Variants in PDGFD observed in about 807,000 individuals in gnomAD.
The protein encoded by PDGFD is platelet derived growth factor D.
Under a neutral mutation model 44.7 loss-of-function variants are expected in PDGFD, and 30 were observed. That is an observed-to-expected ratio of 0.67 (90% confidence interval 0.50 to 0.91). PDGFD has a LOEUF of 0.91. Ranked by LOEUF, PDGFD falls within the 40% of genes least tolerant of loss-of-function variation. The pLI, the probability that PDGFD is intolerant of heterozygous loss-of-function variation, is 0.00. For synonymous variants in PDGFD, 173 were observed against 168.4 expected, an observed-to-expected ratio of 1.03 and a Z score of -0.21; for missense variants, 445 against 457.8, an observed-to-expected ratio of 0.97 and a Z score of 0.25.
At chr11:104,153,374 G>T (rs528086769) in intron 1 of PDGFD, among the ~76,000 whole-genome samples, 1 of 152,204 alleles carries the variant, frequency 6.6e-6, no homozygotes, top group Non-Finnish European at 1.5e-5. Flanking sequence ...AGGATGTTCA[G>T]CTGTATTAAA....
chr11:104,147,549 T>A (rs1363903542), intron 1 of PDGFD, among the ~76,000 whole-genome samples: 2 of 152,154 alleles, frequency 1.3e-5, no homozygotes, highest in African/African-American at 4.8e-5. Context: ...TTTTTATTAA[T>A]CACATTTAAA....
At chr11:103,987,453 G>A (rs1422253596) in intron 3 of PDGFD, among the ~76,000 whole-genome samples, 2 of 152,048 alleles carry the variant, frequency 1.3e-5, no homozygotes, top group Non-Finnish European at 2.9e-5. Context: ...CCAGACTTGT[G>A]ATCTTCCATG....
At chr11:103,979,960 G>A (rs530061785) in intron 3 of PDGFD, among the ~76,000 whole-genome samples, 1 of 152,040 alleles carries the variant, frequency 6.6e-6, no homozygotes, top group African/African-American at 2.4e-5. Flanking sequence ...TTAGAGCTCT[G>A]CCTTTATAAC....
intron 6 of PDGFD, among the ~76,000 whole-genome samples, chr11:103,914,836 A>G (rs544367656): frequency 1.2e-4 from 19 of 152,240 alleles, no homozygotes; most frequent in Non-Finnish European, 2.8e-4. Context: ...AACAGAACCA[A>G]TGACAAAAAC....
chr11:104,052,443 C>T (rs1860555261), intron 1 of PDGFD, among the ~76,000 whole-genome samples: 1 of 152,042 alleles, frequency 6.6e-6, no homozygotes, highest in South Asian at 2.1e-4. Context: ...CTTTTCTTTA[C>T]TTTTAAGTGA....
At chr11:104,069,586 C>T (rs1395507676) in intron 1 of PDGFD, among the ~76,000 whole-genome samples, 2 of 152,320 alleles carry the variant, frequency 1.3e-5, no homozygotes, top group Non-Finnish European at 2.9e-5. Context: ...GCTGGCCGGG[C>T]ACAGTGGTTC....
chr11:104,058,282 C>A (rs1272579081), intron 1 of PDGFD, among the ~76,000 whole-genome samples: 1 of 152,090 alleles, frequency 6.6e-6, no homozygotes, highest in African/African-American at 2.4e-5. Context: ...ATTTAAAACA[C>A]GTTATACATT....
At chr11:104,140,668 A>G (rs985542438) in intron 1 of PDGFD, among the ~76,000 whole-genome samples, 4 of 152,054 alleles carry the variant, frequency 2.6e-5, no homozygotes, top group African/African-American at 9.7e-5. Flanking sequence ...CCAAAGACCA[A>G]CTAGACATTT....
In PDGFD at chr11:103,908,593, T is replaced by C. The variant is rs1369150100; in HGVS notation, c.*1101A>G. Reference sequence around the variant, plus strand: ...ATAATCTATGATGGCCTGCCAAATATAAAATGCCATTATAAATCCATGTCT... The same window carrying C: ...ATAATCTATGATGGCCTGCCAAATACAAAATGCCATTATAAATCCATGTCT... On this transcript the variant is annotated 3_prime_UTR_variant, in exon 7 of 7. Coordinates refer to ENST00000393158, the MANE Select transcript of PDGFD (RefSeq NM_025208.5). 1 of 152,186 alleles carries C rather than the reference T, an allele frequency of 6.6e-6. No homozygotes were observed. The highest frequency in any genetic ancestry group is 1.5e-5 in the Non-Finnish European group (1 of 68,020). 9.4% of individuals were successfully genotyped at this position (152,186 alleles called of 1,614,324 possible).
chr11:103,967,459 C>T (rs1411559321), intron 3 of PDGFD, among the ~76,000 whole-genome samples: 1 of 152,312 alleles, frequency 6.6e-6, no homozygotes, highest in East Asian at 1.9e-4. Context: ...TGTGACTCTG[C>T]TCTCCATATC....
chr11:104,125,383 C>T (rs866211407), intron 1 of PDGFD, among the ~76,000 whole-genome samples: 9 of 151,926 alleles, frequency 5.9e-5, no homozygotes, highest in African/African-American at 1.9e-4. Flanking sequence ...TAAAGGGCTT[C>T]AAATAATTAA....
chr11:103,939,665 G>A (rs1175754600), intron 5 of PDGFD, among the ~76,000 whole-genome samples: 1 of 152,022 alleles, frequency 6.6e-6, no homozygotes, highest in Non-Finnish European at 1.5e-5. Flanking sequence ...CTTACAGAAA[G>A]AACACCCATA....
Position 104,037,619 on chromosome 11 carries a change from C to T in PDGFD, c.125-37364G>A. ...TTTGTTGACTCGGGCGCCCAGATGA[C>T]CATTATGAGCCAGGCTTGTGCCGAG... is the stretch of plus-strand genomic sequence containing the variant. On this transcript the variant is annotated intron_variant, in intron 1 of 6. Coordinates refer to ENST00000393158, the MANE Select transcript of PDGFD (RefSeq NM_025208.5). 6.2e-7 allele frequency: 1 copy of T among 1,614,018 alleles called. No homozygotes were observed. The highest frequency in any genetic ancestry group is 8.5e-7 in the Non-Finnish European group (1 of 1,180,026).
intron 6 of PDGFD, among the ~76,000 whole-genome samples, chr11:103,910,291 C>T (rs539573680): frequency 6.6e-6 from 1 of 152,246 alleles, no homozygotes; most frequent in East Asian, 1.9e-4. Context: ...AAACATGTTG[C>T]CCTGGAGTTG....
intron 3 of PDGFD, among the ~76,000 whole-genome samples, chr11:103,984,885 A>T (rs1233092119): frequency 7.1e-6 from 1 of 141,102 alleles, no homozygotes; most frequent in African/African-American, 2.6e-5. Flanking sequence ...AGTTATATTT[A>T]TTTACTATAT....
intron 5 of PDGFD, among the ~76,000 whole-genome samples, chr11:103,940,538 C>T (rs189333911): frequency 6.6e-6 from 1 of 152,210 alleles, no homozygotes; most frequent in Admixed American, 6.6e-5. Flanking sequence ...TTATCCATCG[C>T]TATTTTCCTG....
intron 1 of PDGFD, among the ~76,000 whole-genome samples, chr11:104,050,849 T>C (rs1860523633): frequency 6.6e-6 from 1 of 152,148 alleles, no homozygotes; most frequent in Non-Finnish European, 1.5e-5. Context: ...CCAAGACTGA[T>C]TGTAATCTTA....
At position 104,138,452 on chromosome 11, in the gene PDGFD, A is replaced by G. The variant is rs551698659; in HGVS notation, c.124+25352T>C. 4.6e-5 allele frequency among the ~76,000 whole-genome samples: 7 copies of G among 152,320 alleles called. No homozygotes were observed. The South Asian group carries it at 1.5e-3, about 32-fold the overall frequency. ...AAATGTATGATTCTCCATTCAGTTAAATAAAGGCTTATGTTTCCTCCTAGC... is the reference window on the plus strand; with the variant it reads ...AAATGTATGATTCTCCATTCAGTTAGATAAAGGCTTATGTTTCCTCCTAGC... On this transcript the variant is annotated intron_variant, in intron 1 of 6. Coordinates refer to ENST00000393158, the MANE Select transcript of PDGFD (RefSeq NM_025208.5).
intron 4 of PDGFD, among the ~76,000 whole-genome samples, chr11:103,946,923 C>T (rs1591088830): frequency 1.3e-5 from 2 of 152,268 alleles, no homozygotes; most frequent in East Asian, 3.9e-4. Context: ...AAAAAAACAA[C>T]AACTCTGACT....
Sources: gnomAD v4.1 joint callset for allele counts (sites outside exome capture counted in the v4.1 genomes callset) on GRCh38, gnomAD v4.1.1 for gene constraint, MANE v1.5 for transcripts, NCBI Gene and HGNC (gene_info 2026-07-23, HGNC 2026-07-21) for gene names.